Variants in ACVR2B observed in about 807,000 individuals in gnomAD.
The protein encoded by ACVR2B is activin A receptor type 2B.
ACVR2B carries 18 observed loss-of-function variants against 65.1 expected under a neutral mutation model. The ratio of observed to expected loss-of-function variants is 0.28; its 90% CI spans 0.19 to 0.41. The LOEUF is 0.41. Among genes scored for constraint, ACVR2B ranks in the 10% least tolerant of loss-of-function variants. The pLI is 1.00. For missense variants in ACVR2B, 482 were observed against 682.7 expected (o/e 0.71, Z 3.28); for synonymous variants, 298 against 277.7 (o/e 1.07, Z -0.73).
At position 38,485,440 on chromosome 3, in the gene ACVR2B, G is replaced by A. The variant is rs773104712; in HGVS notation, c.*2108G>A. 3.3e-5 allele frequency: 5 copies of A among 152,260 alleles called. No individual in the cohort carries two copies. Among genetic ancestry groups the A allele is most frequent in the African/African-American group, 1.2e-4 (5 of 41,438 alleles). The allele number at this position is 152,260 out of a possible 1,614,324, so 9.4% of individuals were successfully genotyped here. On this transcript the variant is annotated 3_prime_UTR_variant, in exon 11 of 11. Coordinates refer to ENST00000352511, the MANE Select transcript of ACVR2B (RefSeq NM_001106.4). ...GAAGGGTTTTGCCCTTGCTGGTCTT[G>A]GAGTCCACAGTGTGAGGGGCACTGC...
At position 38,477,550 on chromosome 3, in the gene ACVR2B, A is replaced by G; in HGVS notation, c.260+56A>G. On this transcript the variant is annotated intron_variant, in intron 2 of 10. Coordinates refer to ENST00000352511, the MANE Select transcript of ACVR2B (RefSeq NM_001106.4). This position sits in a 1 kb window ranked among gnomAD's most constrained non-coding sequence, Gnocchi z 6.7. ...GGACCCACCTGCGCTTATACTGCCC[A>G]CTGGGCCATTTGGGTCTCAGGATGT... 3.2e-6 allele frequency: 5 copies of G among 1,576,522 alleles called. No homozygotes were observed. Among genetic ancestry groups the G allele is most frequent in the Non-Finnish European group, 4.3e-6 (5 of 1,157,418 alleles).
intron 1 of ACVR2B, among the ~76,000 whole-genome samples, chr3:38,458,587 T>C (rs922739821): frequency 9.9e-5 from 15 of 152,120 alleles, no homozygotes; most frequent in Non-Finnish European, 2.2e-4. Context: ...GGTCTCTCTT[T>C]CCAGAAAGCT....
chr3:38,454,394 CG>C lies in ACVR2B; in HGVS notation c.52+24del, dbSNP rs1709505015. The C allele has an allele frequency of 8.0e-7, 1 of 1,248,148 alleles. No individual in the cohort carries two copies. The highest frequency in any genetic ancestry group is 1.0e-6 in the Non-Finnish European group (1 of 996,380). The allele number at this position is 1,248,148 out of a possible 1,614,324, so 77.3% of individuals were successfully genotyped here. A position where few individuals can be genotyped will look rare whatever the true frequency, so the allele number is the denominator to read the frequency against. On this transcript the variant is annotated intron_variant, in intron 1 of 10. Transcript: ENST00000352511. ...GCGCCGGTAAGAACTGGGCGCGGCGCGGGGACGCCGAGAGGGCGCGCGGGGC... is the reference window on the plus strand; with the variant it reads ...GCGCCGGTAAGAACTGGGCGCGGCGCGGGACGCCGAGAGGGCGCGCGGGGC...
In ACVR2B at chr3:38,481,354, C is replaced by T. The variant is rs1208477326; in HGVS notation, c.963C>T (p.Asp321=). 1 of 1,613,456 alleles carries T rather than the reference C, an allele frequency of 6.2e-7. No homozygotes were observed. Among genetic ancestry groups the T allele is most frequent in the Non-Finnish European group, 8.5e-7 (1 of 1,179,378 alleles). Residue 321 remains aspartate, a synonymous_variant, in exon 8 of 11, where the codon GAC becomes GAT. Coordinates refer to ENST00000352511, the MANE Select transcript of ACVR2B (RefSeq NM_001106.4). The surrounding 1 kb of genome is among the most constrained non-coding windows in gnomAD (Gnocchi z 4.7). ...CTCTGCCCACTTGTTTCCACAGGGA[C>T]TTTAAAAGTAAGAATGTATTGCTGA... The part of the protein sequence containing the change: ...EGHKPSIAHR[D]FKSKNVLLKS...
rs761572246 is a variant in ACVR2B at position 38,478,373 on chromosome 3, A to T, written c.523-2A>T. On this transcript the variant is annotated splice_acceptor_variant, in intron 4 of 10. Coordinates refer to ENST00000352511, the MANE Select transcript of ACVR2B (RefSeq NM_001106.4). LOFTEE classifies it high-confidence loss of function. ...ACCTTTTTAAGCCTTGCTCTCCCCC[A>T]GGACCCTGGGCCTCCACCACCATCC... is the stretch of plus-strand genomic sequence containing the variant. 6.2e-7 allele frequency: 1 copy of T among 1,614,040 alleles called. No individual in the cohort carries two copies.
chr3:38,478,648 C>T (rs1709958380), intron 5 of ACVR2B, 130 bp downstream of exon 5: 2 of 1,280,952 alleles, frequency 1.6e-6, no homozygotes, highest in Admixed American at 2.0e-5. Context: ...CCTTACTGGG[C>T]CTAGTTACTC....
rs145101309 is a variant in ACVR2B at position 38,483,301 on chromosome 3, T to C, written c.1508T>C (p.Val503Ala). The change falls in exon 11 of 11, where the codon GTG becomes GCG. Residue 503 changes from valine (V) to alanine (A), a missense_variant. Coordinates refer to ENST00000352511, the MANE Select transcript of ACVR2B (RefSeq NM_001106.4). The surrounding 1 kb of genome is among the most constrained non-coding windows in gnomAD (Gnocchi z 4.8). ...LVSLVTSVTN[V>A]DLPPKESSI is the part of the protein sequence containing the mutation. ...TCCCTGGTGACCTCTGTCACCAATG[T>C]GGACCTGCCCCCTAAAGAGTCAAGC... The C allele has an allele frequency of 2.5e-6, 4 of 1,613,998 alleles. No individual in the cohort carries two copies. In the African/African-American group the frequency reaches 5.3e-5, roughly 22 times the overall value.
intron 1 of ACVR2B, among the ~76,000 whole-genome samples, chr3:38,455,262 ACC>A (rs1438086614): frequency 6.6e-6 from 1 of 151,494 alleles, no homozygotes; most frequent in Non-Finnish European, 1.5e-5. Context: ...GGTGCGCCTA[ACC>A]CCGGCGGGCG....
rs524601 is a variant in ACVR2B, at chr3:38,485,660, T to C, written c.*2328T>C. On this transcript the variant is annotated 3_prime_UTR_variant, in exon 11 of 11. Transcript: ENST00000352511. ...ACAGGAACAGGGTTTCGGTAAGCTA[T>C]GTTGTCTTTTTTTTTTTTTTTTTTT... The C allele has an allele frequency of 1.0e-3, 133 of 129,428 alleles. No individual in the cohort carries two copies. The highest frequency in any genetic ancestry group is 3.6e-3 in the African/African-American group (130 of 36,326). The allele number at this position is 129,428 out of a possible 1,614,324, so 8.0% of individuals were successfully genotyped here. A position where few individuals can be genotyped will look rare whatever the true frequency, so the allele number is the denominator to read the frequency against.
In ACVR2B at chr3:38,481,533, C is replaced by T. The variant is rs2125725310; in HGVS notation, c.1074+68C>T. 8 of 1,324,964 alleles carry T rather than the reference C, an allele frequency of 6.0e-6. No individual in the cohort carries two copies. In the South Asian group the frequency reaches 7.1e-5, roughly 12 times the overall value. The allele number at this position is 1,324,964 out of a possible 1,614,324, so 82.1% of individuals were successfully genotyped here. ...GTAGATACTTTGCCCTTTTTGTGCT[C>T]AGCTGGGGAGGTGCAGGGATGAGGG... On this transcript the variant is annotated intron_variant, in intron 8 of 10. Transcript: ENST00000352511. The surrounding 1 kb of genome is among the most constrained non-coding windows in gnomAD (Gnocchi z 4.7).
intron 1 of ACVR2B, chr3:38,475,183 G>C (rs1559651779): frequency 6.6e-6 from 1 of 152,346 alleles, no homozygotes; most frequent in Non-Finnish European, 1.5e-5. Flanking sequence ...TCCTGGCCCC[G>C]GTGTGCTTGT....
Position 38,481,262 on chromosome 3 carries a change from C to A in ACVR2B, c.960-89C>A. 1 of 1,157,246 alleles carries A rather than the reference C, an allele frequency of 8.6e-7. No individual in the cohort carries two copies. Among genetic ancestry groups the A allele is most frequent in the Non-Finnish European group, 1.3e-6 (1 of 768,098 alleles). 71.7% of individuals were successfully genotyped at this position (1,157,246 alleles called of 1,614,324 possible). A position where few individuals can be genotyped will look rare whatever the true frequency, so the allele number is the denominator to read the frequency against. On this transcript the variant is annotated intron_variant, in intron 7 of 10. Transcript: ENST00000352511. The surrounding 1 kb of genome is among the most constrained non-coding windows in gnomAD (Gnocchi z 4.7). ...TGGGATGGCCTGGTCTGGGGCCTGA[C>A]TCTAGGGCACAGACTCTAGTATCTT...
chr3:38,462,111 G>A (rs991223604), intron 1 of ACVR2B, among the ~76,000 whole-genome samples: 1 of 152,006 alleles, frequency 6.6e-6, no homozygotes, highest in Non-Finnish European at 1.5e-5. Context: ...GGAGAATGGC[G>A]TGAACCCGGG....
intron 1 of ACVR2B, among the ~76,000 whole-genome samples, chr3:38,456,599 A>T (rs575321778): frequency 6.6e-6 from 1 of 152,316 alleles, no homozygotes; most frequent in South Asian, 2.1e-4. Flanking sequence ...GGAAGCTCTA[A>T]GTCTGAGCCC....
At position 38,482,376 on chromosome 3, in the gene ACVR2B, A is replaced by G. The variant is rs749940757; in HGVS notation, c.1213+40A>G. 4.3e-6 allele frequency: 7 copies of G among 1,609,802 alleles called. No homozygotes were observed. In the South Asian group the frequency reaches 6.6e-5, roughly 15 times the overall value. Reference sequence around the variant, plus strand: ...AGCCCTGGGCATCCTAGATTGAGTGATAGGGAGCAGTGGGACCTTAGAGTG... The same window carrying G: ...AGCCCTGGGCATCCTAGATTGAGTGGTAGGGAGCAGTGGGACCTTAGAGTG... On this transcript the variant is annotated intron_variant, in intron 9 of 10. Coordinates refer to ENST00000352511, the MANE Select transcript of ACVR2B (RefSeq NM_001106.4).
Position 38,485,887 on chromosome 3 carries a change from A to C in ACVR2B, c.*2555A>C. 6.6e-6 allele frequency: 1 copy of C among 152,516 alleles called. No individual in the cohort carries two copies. The allele number at this position is 152,516 out of a possible 1,614,324, so 9.4% of individuals were successfully genotyped here. On this transcript the variant is annotated 3_prime_UTR_variant, in exon 11 of 11. Coordinates refer to ENST00000352511, the MANE Select transcript of ACVR2B (RefSeq NM_001106.4). ...GCAGGCATCTTTACTTTTCATCCTCAGAAGAAACAAACGACTAACAAATGT... is the reference window on the plus strand; with the variant it reads ...GCAGGCATCTTTACTTTTCATCCTCCGAAGAAACAAACGACTAACAAATGT...
chr3:38,474,928 T>C (rs1382059799), intron 1 of ACVR2B: 1 of 152,236 alleles, frequency 6.6e-6, no homozygotes, highest in Non-Finnish European at 1.5e-5. Context: ...TGTGACATTA[T>C]GGTGTGGCTG....
rs1710149272 is a variant in ACVR2B at position 38,487,869 on chromosome 3, G to C, written c.*4537G>C. 6.6e-6 allele frequency: 1 copy of C among 152,186 alleles called. No homozygotes were observed. The allele number at this position is 152,186 out of a possible 1,614,324, so 9.4% of individuals were successfully genotyped here. ...ATACTAATTGGAAAGCAGTTTCCAG[G>C]AGTTAACTCAGTTTAATTTTCAGTC... On this transcript the variant is annotated 3_prime_UTR_variant, in exon 11 of 11. Coordinates refer to ENST00000352511, the MANE Select transcript of ACVR2B (RefSeq NM_001106.4).
intron 1 of ACVR2B, chr3:38,474,346 A>G (rs1709870764): frequency 1.3e-5 from 2 of 152,388 alleles, no homozygotes; most frequent in African/African-American, 4.8e-5. Context: ...CTGCCTCAGC[A>G]CAGAGGCTTG....
Sources: allele counts gnomAD v4.1 joint callset (sites outside exome capture counted in the v4.1 genomes callset), GRCh38; gene constraint gnomAD v4.1.1; non-coding constraint Gnocchi (gnomAD v3.1); transcripts MANE v1.5; gene names NCBI Gene and HGNC (gene_info 2026-07-23, HGNC 2026-07-21).